ARHGAP15: variants seen among roughly 807,000 people sequenced by gnomAD.
ARHGAP15 encodes the protein rho GTPase-activating protein 15.
In ARHGAP15, 51 loss-of-function variants were observed where a neutral mutation model predicts 63.7. The ratio of observed to expected loss-of-function variants is 0.80; its 90% CI spans 0.64 to 1.01. The LOEUF is 1.01. ARHGAP15 is among the 50% of genes least tolerant of loss of function. The probability of loss-of-function intolerance (pLI) is 0.00; values close to 1 mark genes in which losing one functional copy is unlikely to be tolerated. For missense variants in ARHGAP15, 560 were observed against 564.6 expected, an observed-to-expected ratio of 0.99 and a Z score of 0.08; for synonymous variants, 191 against 193.8, an observed-to-expected ratio of 0.99 and a Z score of 0.12.
At chr2:143,686,447 A>G (rs1037350770) in intron 12 of ARHGAP15, among the ~76,000 whole-genome samples, 1 of 150,656 alleles carries the variant, frequency 6.6e-6, no homozygotes, top group Non-Finnish European at 1.5e-5. Flanking sequence ...TCAATATAGC[A>G]ATCACTCCCA....
chr2:143,707,396 A>G (rs1381089356), intron 13 of ARHGAP15, among the ~76,000 whole-genome samples: 1 of 152,194 alleles, frequency 6.6e-6, no homozygotes, highest in East Asian at 1.9e-4. Context: ...AAGCAAAATG[A>G]GATATTGTTT....
chr2:143,371,754 T>C (rs1686567775), intron 6 of ARHGAP15, among the ~76,000 whole-genome samples: 1 of 152,214 alleles, frequency 6.6e-6, no homozygotes, highest in African/African-American at 2.4e-5. Flanking sequence ...TAAATTCTGA[T>C]GGCCCACTCT....
intron 3 of ARHGAP15, among the ~76,000 whole-genome samples, chr2:143,214,907 ATTGAAGATAAAT>A (rs1238803373): frequency 6.6e-6 from 1 of 152,230 alleles, no homozygotes; most frequent in Non-Finnish European, 1.5e-5. Flanking sequence ...CACTTGTAGT[ATTGAAGATAAAT>A]TTCTTGGCTT....
chr2:143,344,783 T>A (rs897697235), intron 6 of ARHGAP15, among the ~76,000 whole-genome samples: 3 of 152,102 alleles, frequency 2.0e-5, no homozygotes, highest in Non-Finnish European at 4.4e-5. Flanking sequence ...AGATCCCTTC[T>A]GTGACAGCAC....
At chr2:143,752,221 C>T (rs1017475269) in intron 13 of ARHGAP15, among the ~76,000 whole-genome samples, 5 of 152,150 alleles carry the variant, frequency 3.3e-5, no homozygotes, top group African/African-American at 1.2e-4. Context: ...AATCAGTGAG[C>T]CTAGTTCTGT....
chr2:143,427,443 A>C (rs995294346), intron 6 of ARHGAP15, among the ~76,000 whole-genome samples: 4 of 152,110 alleles, frequency 2.6e-5, no homozygotes, highest in Non-Finnish European at 5.9e-5. Context: ...GTTTCTCTAA[A>C]GACTTGACCC....
At chr2:143,470,513 A>T (rs948774575) in intron 8 of ARHGAP15, among the ~76,000 whole-genome samples, 2 of 146,118 alleles carry the variant, frequency 1.4e-5, no homozygotes, top group East Asian at 4.0e-4. Flanking sequence ...GGAATTCATA[A>T]TATTCTTTTG....
intron 9 of ARHGAP15, among the ~76,000 whole-genome samples, chr2:143,488,035 G>A (rs945333425): frequency 2.6e-5 from 4 of 152,180 alleles, no homozygotes; most frequent in Admixed American, 6.5e-5. Flanking sequence ...GAAATAACTA[G>A]GTAGTTTTAC....
intron 6 of ARHGAP15, among the ~76,000 whole-genome samples, chr2:143,365,835 C>T (rs974224691): frequency 5.3e-5 from 8 of 152,076 alleles, no homozygotes; most frequent in Non-Finnish European, 8.8e-5. Context: ...ACAAATATTC[C>T]GAAGATCAAT....
intron 2 of ARHGAP15, among the ~76,000 whole-genome samples, chr2:143,167,546 C>G (rs1023452929): frequency 1.3e-5 from 2 of 152,104 alleles, no homozygotes; most frequent in African/African-American, 4.8e-5. Context: ...CTTGCCACCA[C>G]TCATGCTGCC....
At chr2:143,307,277 C>A (rs1683216053) in intron 6 of ARHGAP15, among the ~76,000 whole-genome samples, 1 of 151,998 alleles carries the variant, frequency 6.6e-6, no homozygotes, top group Admixed American at 6.6e-5. Flanking sequence ...CTTCAAAATC[C>A]CCTCACCAAA....
intron 10 of ARHGAP15, among the ~76,000 whole-genome samples, chr2:143,554,536 C>T (rs865927788): frequency 1.3e-5 from 2 of 152,050 alleles, no homozygotes; most frequent in Non-Finnish European, 2.9e-5. Context: ...TTGAGAAGGA[C>T]ACACTTGAAT....
intron 2 of ARHGAP15, among the ~76,000 whole-genome samples, chr2:143,182,243 G>A (rs1691266988): frequency 6.6e-6 from 1 of 152,164 alleles, no homozygotes; most frequent in Admixed American, 6.5e-5. Flanking sequence ...AATTAAGTGA[G>A]AGATATGCAA....
chr2:143,318,509 CTTTTTTT>C (rs535910161), intron 6 of ARHGAP15, among the ~76,000 whole-genome samples: 57 of 55,632 alleles, frequency 1.0e-3, no homozygotes, highest in African/African-American at 1.8e-3. Context: ...GATTAAGGGC[CTTTTTTT>C]TTTTTTTTTT....
At chr2:143,426,118 G>A (rs77704360) in intron 6 of ARHGAP15, among the ~76,000 whole-genome samples, 4,548 of 152,190 alleles carry the variant, frequency 0.03, 231 homozygotes, top group African/African-American at 0.1. Flanking sequence ...GTGTGCCTGG[G>A]CTAATCTGTG....
At chr2:143,526,833 T>A (rs888134018) in intron 10 of ARHGAP15, among the ~76,000 whole-genome samples, 2 of 152,186 alleles carry the variant, frequency 1.3e-5, no homozygotes, top group Non-Finnish European at 2.9e-5. Context: ...GACTTGTAGC[T>A]TTTCAGTAGA....
At chr2:143,471,810 G>A (rs1367328656) in intron 8 of ARHGAP15, among the ~76,000 whole-genome samples, 1 of 152,158 alleles carries the variant, frequency 6.6e-6, no homozygotes, top group Non-Finnish European at 1.5e-5. Flanking sequence ...CTACAGGTTT[G>A]AATGCTTACC....
intron 5 of ARHGAP15, among the ~76,000 whole-genome samples, chr2:143,247,771 G>A (rs1694099383): frequency 6.6e-6 from 1 of 152,106 alleles, no homozygotes; most frequent in South Asian, 2.1e-4. Context: ...GTGACTTTGT[G>A]TAATCTCACA....
intron 5 of ARHGAP15, among the ~76,000 whole-genome samples, chr2:143,239,237 C>T (rs370119929): frequency 6.6e-5 from 10 of 152,232 alleles, no homozygotes; most frequent in African/African-American, 2.2e-4. Context: ...TCTTTTGATG[C>T]ATGTATACAT....
Sources: gnomAD v4.1 joint callset for allele counts (sites outside exome capture counted in the v4.1 genomes callset) on GRCh38, gnomAD v4.1.1 for gene constraint, MANE v1.5 for transcripts, NCBI Gene and HGNC (gene_info 2026-07-23, HGNC 2026-07-21) for gene names.